MCC: variants seen among roughly 807,000 people sequenced by gnomAD.
MCC encodes MCC regulator of Wnt signaling pathway, also known as colorectal mutant cancer protein.
MCC carries 90 observed loss-of-function variants against 116.2 expected under a neutral mutation model. The ratio of observed to expected loss-of-function variants is 0.77; its 90% CI spans 0.65 to 0.92. The LOEUF is 0.92. Ranked by LOEUF, MCC falls within the 40% of genes least tolerant of loss-of-function variation. MCC has a pLI of 0.00. For missense variants in MCC, 1,516 were observed against 1,312.2 expected (o/e 1.16, Z -2.40); for synonymous variants, 578 against 510.5 (o/e 1.13, Z -1.78).
chr5:113,040,331 T>C (rs1751613711), intron 17 of MCC, among the ~76,000 whole-genome samples: 1 of 151,976 alleles, frequency 6.6e-6, no homozygotes, highest in South Asian at 2.1e-4. Flanking sequence ...GTGACTGAAA[T>C]GTCACAGGGC....
chr5:113,055,485 C>T (rs1417198169), intron 14 of MCC, among the ~76,000 whole-genome samples: 4 of 152,188 alleles, frequency 2.6e-5, no homozygotes, highest in African/African-American at 7.2e-5. Flanking sequence ...GTGGCTGGAG[C>T]TTTGCTGTTC....
At chr5:113,128,214 T>G (rs1283242966) in intron 5 of MCC, among the ~76,000 whole-genome samples, 2 of 152,250 alleles carry the variant, frequency 1.3e-5, no homozygotes, top group South Asian at 2.1e-4. Context: ...TGCACATTCA[T>G]GCCTTCCATT....
At chr5:113,183,927 T>TTTTCGGTTGTGCAAA (rs1306090310) in intron 3 of MCC, among the ~76,000 whole-genome samples, 2 of 150,928 alleles carry the variant, frequency 1.3e-5, no homozygotes, top group African/African-American at 4.9e-5. Context: ...TCTTCACAAT[T>TTTTCGGTTGTGCAAA]CCCCATGCAA....
intron 14 of MCC, among the ~76,000 whole-genome samples, chr5:113,058,749 G>A (rs1472479556): frequency 1.3e-5 from 2 of 152,210 alleles, no homozygotes; most frequent in African/African-American, 2.4e-5. Context: ...GGAATACTAA[G>A]GGTTCCTGCC....
intron 3 of MCC, among the ~76,000 whole-genome samples, chr5:113,222,548 C>T (rs890342233): frequency 6.6e-6 from 1 of 152,042 alleles, no homozygotes; most frequent in Non-Finnish European, 1.5e-5. Context: ...TTAGTAATAT[C>T]CAAAGTCACA....
intron 3 of MCC, among the ~76,000 whole-genome samples, chr5:113,171,412 G>C (rs545169389): frequency 2.3e-4 from 35 of 151,846 alleles, no homozygotes; most frequent in African/African-American, 8.0e-4. Context: ...CTAGAGTGTA[G>C]TGCCACGACT....
chr5:113,215,841 A>G (rs1360144058), intron 3 of MCC, among the ~76,000 whole-genome samples: 2 of 151,206 alleles, frequency 1.3e-5, no homozygotes, highest in African/African-American at 4.9e-5. Context: ...CTCCAGGCCA[A>G]GTTGAAGCCA....
intron 3 of MCC, among the ~76,000 whole-genome samples, chr5:113,238,287 C>G (rs1005035082): frequency 4.0e-5 from 6 of 151,806 alleles, no homozygotes; most frequent in Non-Finnish European, 7.4e-5. Flanking sequence ...TTTTTTTAAT[C>G]AAAGCAATTA....
intron 4 of MCC, among the ~76,000 whole-genome samples, chr5:113,148,957 T>C (rs1301081662): frequency 6.6e-6 from 1 of 152,212 alleles, no homozygotes; most frequent in Non-Finnish European, 1.5e-5. Context: ...GAATCAATCC[T>C]TGACTTAGAG....
intron 5 of MCC, among the ~76,000 whole-genome samples, chr5:113,135,720 G>C (rs937928563): frequency 7.3e-5 from 11 of 151,648 alleles, no homozygotes; most frequent in African/African-American, 2.7e-4. Context: ...TAAATTATGA[G>C]TTTCACCAAT....
At chr5:113,374,797 C>A (rs1768940657) in intron 2 of MCC, among the ~76,000 whole-genome samples, 1 of 151,750 alleles carries the variant, frequency 6.6e-6, no homozygotes, top group South Asian at 2.1e-4. Flanking sequence ...TCAAGACTAG[C>A]CTGGGCAACA....
chr5:113,441,976 G>A (rs1368215403), intron 1 of MCC, among the ~76,000 whole-genome samples: 1 of 152,180 alleles, frequency 6.6e-6, no homozygotes, highest in African/African-American at 2.4e-5. Context: ...TGTCTTTATA[G>A]AATGATTTAT....
At position 113,101,899 on chromosome 5, in the gene MCC, T is replaced by C. The variant is rs758821387; in HGVS notation, c.1238A>G (p.Asn413Ser). 3 of 1,612,560 alleles carry C rather than the reference T, an allele frequency of 1.9e-6. No individual in the cohort carries two copies. The highest frequency in any genetic ancestry group is 1.7e-6 in the Non-Finnish European group (2 of 1,179,708). Reference protein sequence around the residue: ...EGVLGRDLYPNLAEERSRWEK... With the variant: ...EGVLGRDLYPSLAEERSRWEK... ...CCACCGAGACCTCTCTTCAGCCAGGTTGGGATACAGGTCCCGGCCAAGCAC... is the reference window on the plus strand; with the variant it reads ...CCACCGAGACCTCTCTTCAGCCAGGCTGGGATACAGGTCCCGGCCAAGCAC... The change falls in exon 8 of 19, where the codon AAC (asparagine) becomes AGC (serine). Residue 413 changes from asparagine to serine, a missense_variant. By Grantham distance (46) the Asn-to-Ser change is conservative (BLOSUM62 1). Coordinates refer to ENST00000408903, the MANE Select transcript of MCC (RefSeq NM_001085377.2).
intron 15 of MCC, among the ~76,000 whole-genome samples, chr5:113,050,018 G>A (rs4235781): frequency 0.98 from 148,991 of 152,360 alleles, 72,858 homozygotes; most frequent in East Asian, 1. Context: ...CCAGGAGCCA[G>A]TAACAATGAC....
intron 3 of MCC, among the ~76,000 whole-genome samples, chr5:113,322,606 C>T (rs1767446464): frequency 6.6e-6 from 1 of 152,108 alleles, no homozygotes; most frequent in Admixed American, 6.5e-5. Context: ...CAACATCAAC[C>T]AGTAATGTTG....
intron 17 of MCC, among the ~76,000 whole-genome samples, chr5:113,039,810 AG>A (rs1296864155): frequency 6.8e-6 from 1 of 146,902 alleles, no homozygotes; most frequent in Non-Finnish European, 1.5e-5. Context: ...TGCTCCTCTC[AG>A]CTGTGCTTGG....
At chr5:113,461,680 CTG>C (rs1227678039) in intron 1 of MCC, among the ~76,000 whole-genome samples, 2 of 132,800 alleles carry the variant, frequency 1.5e-5, no homozygotes, top group African/African-American at 2.9e-5. Flanking sequence ...CTTAAAAAAA[CTG>C]TTTTAATTTT....
intron 3 of MCC, among the ~76,000 whole-genome samples, chr5:113,155,177 C>T (rs1265151275): frequency 6.6e-6 from 1 of 152,160 alleles, no homozygotes; most frequent in African/African-American, 2.4e-5. Context: ...AACATAATGA[C>T]CTCCAGTTCT....
chr5:113,367,429 C>G (rs1409595156), intron 2 of MCC, among the ~76,000 whole-genome samples: 1 of 147,116 alleles, frequency 6.8e-6, no homozygotes, highest in South Asian at 2.1e-4. Flanking sequence ...TCTCCTGGAG[C>G]TTTTTTTACC....
Sources: allele counts gnomAD v4.1 joint callset (sites outside exome capture counted in the v4.1 genomes callset), GRCh38; gene constraint gnomAD v4.1.1; transcripts MANE v1.5; gene names NCBI Gene and HGNC (gene_info 2026-07-23, HGNC 2026-07-21).